Variants in CCSER1 observed in about 807,000 individuals in gnomAD.
CCSER1 encodes the protein coiled-coil serine rich protein 1.
In CCSER1, 41 loss-of-function variants were observed where a neutral mutation model predicts 82.0. The observed-to-expected ratio is 0.50, with a 90% confidence interval of 0.39 to 0.65. CCSER1 has a LOEUF of 0.65. Ranked by LOEUF, CCSER1 falls within the 30% of genes least tolerant of loss-of-function variation. The pLI, the probability that CCSER1 is intolerant of heterozygous loss-of-function variation, is 0.00. For missense variants in CCSER1, 1,119 were observed against 1,064.2 expected (o/e 1.05, Z -0.72); for synonymous variants, 414 against 383.9 (o/e 1.08, Z -0.92).
chr4:90,239,092 C>A (rs1373503298), intron 1 of CCSER1, among the ~76,000 whole-genome samples: 2 of 152,180 alleles, frequency 1.3e-5, no homozygotes, highest in African/African-American at 4.8e-5. Context: ...CGCAGGTGAT[C>A]CGCCTGCCTG....
At chr4:91,401,092 A>G (rs572699498) in intron 10 of CCSER1, among the ~76,000 whole-genome samples, 2 of 152,034 alleles carry the variant, frequency 1.3e-5, no homozygotes, top group South Asian at 4.1e-4. Flanking sequence ...CTTAGTGATT[A>G]CTATGATCCA....
At chr4:90,163,889 C>A (rs1242543725) in intron 1 of CCSER1, among the ~76,000 whole-genome samples, 1 of 152,126 alleles carries the variant, frequency 6.6e-6, no homozygotes, top group Non-Finnish European at 1.5e-5. Flanking sequence ...AAAATACCTT[C>A]TTTGTTGGCT....
chr4:91,565,154 A>G (rs574762951), intron 10 of CCSER1, among the ~76,000 whole-genome samples: 360 of 151,482 alleles, frequency 2.4e-3, no homozygotes, highest in Non-Finnish European at 3.5e-3. Flanking sequence ...TATTGAATAG[A>G]GAGTCTTTTC....
chr4:90,662,054 A>G lies in CCSER1; in HGVS notation c.1932+33822A>G, dbSNP rs1430725272. The stretch of plus-strand genomic sequence containing the variant: ...CACTCTTTCACCCAGGCTGGAGTGC[A>G]GCAGCACAGTCTTGGCTCATTGCAA... On this transcript the variant is annotated intron_variant, in intron 6 of 10. Transcript: ENST00000509176. Among the ~76,000 whole-genome samples, 5 of 147,446 alleles carry G rather than the reference A, an allele frequency of 3.4e-5. No homozygotes were observed. In the South Asian group the frequency reaches 1.1e-3, roughly 31 times the overall value.
chr4:91,155,197 A>T (rs1037390756), intron 10 of CCSER1, among the ~76,000 whole-genome samples: 1 of 151,836 alleles, frequency 6.6e-6, no homozygotes, highest in Non-Finnish European at 1.5e-5. Context: ...AATAATCCCC[A>T]CGTTTCATGG....
intron 10 of CCSER1, among the ~76,000 whole-genome samples, chr4:91,310,325 T>C (rs1435849565): frequency 2.0e-5 from 3 of 151,522 alleles, no homozygotes; most frequent in Non-Finnish European, 4.4e-5. Flanking sequence ...CTGGGCCAGA[T>C]TGGAAGAAGA....
chr4:90,815,516 G>C (rs879661021), intron 7 of CCSER1, among the ~76,000 whole-genome samples: 6 of 133,660 alleles, frequency 4.5e-5, no homozygotes, highest in Non-Finnish European at 9.8e-5. Flanking sequence ...AAAAACATAT[G>C]TGTGTGTGGA....
At chr4:91,186,318 T>A (rs1734530738) in intron 10 of CCSER1, among the ~76,000 whole-genome samples, 1 of 152,162 alleles carries the variant, frequency 6.6e-6, no homozygotes. Context: ...CTCATCAGTG[T>A]GAAAAAGTTC....
At chr4:91,424,287 G>A (rs1284131463) in intron 10 of CCSER1, among the ~76,000 whole-genome samples, 1 of 151,874 alleles carries the variant, frequency 6.6e-6, no homozygotes, top group East Asian at 1.9e-4. Flanking sequence ...AAAGTGCTGG[G>A]ATTACAGGCG....
At chr4:90,611,029 C>G (rs1225556490) in intron 5 of CCSER1, among the ~76,000 whole-genome samples, 2 of 149,218 alleles carry the variant, frequency 1.3e-5, no homozygotes, top group Non-Finnish European at 2.9e-5. Context: ...AGGCGCCCGC[C>G]ACCATGCCTG....
intron 1 of CCSER1, among the ~76,000 whole-genome samples, chr4:90,153,428 A>G (rs961017956): frequency 7.2e-5 from 11 of 152,028 alleles, no homozygotes; most frequent in African/African-American, 2.7e-4. Flanking sequence ...GTCAAATGGT[A>G]TTTCTAGTTC....
intron 9 of CCSER1, among the ~76,000 whole-genome samples, chr4:90,946,508 C>G (rs190182667): frequency 5.4e-4 from 82 of 151,602 alleles, no homozygotes; most frequent in African/African-American, 1.9e-3. Flanking sequence ...CCAGGCGCCT[C>G]TAATCCCAAC....
chr4:90,427,082 A>G (rs1275403581), intron 4 of CCSER1, among the ~76,000 whole-genome samples: 2 of 152,066 alleles, frequency 1.3e-5, no homozygotes, highest in African/African-American at 4.8e-5. Context: ...ATAGTAGCCA[A>G]TTTATAAACG....
chr4:91,145,388 T>C (rs183792777), intron 10 of CCSER1, among the ~76,000 whole-genome samples: 46 of 152,270 alleles, frequency 3.0e-4, no homozygotes, highest in African/African-American at 1.1e-3. Flanking sequence ...AGAAAAAGGT[T>C]AGGTCTTGTT....
chr4:90,651,129 C>T (rs1164193222), intron 6 of CCSER1, among the ~76,000 whole-genome samples: 2 of 152,180 alleles, frequency 1.3e-5, no homozygotes, highest in African/African-American at 4.8e-5. Context: ...CATTAATCCA[C>T]TCATATCTAT....
intron 10 of CCSER1, among the ~76,000 whole-genome samples, chr4:91,535,105 G>A (rs1761232254): frequency 6.6e-6 from 1 of 151,606 alleles, no homozygotes; most frequent in South Asian, 2.1e-4. Flanking sequence ...ATAAACTAGA[G>A]GATTTTAGCA....
chr4:91,390,207 T>G (rs1328856882), intron 10 of CCSER1, among the ~76,000 whole-genome samples: 1 of 152,032 alleles, frequency 6.6e-6, no homozygotes, highest in East Asian at 1.9e-4. Flanking sequence ...GTTTTCCTAT[T>G]GCTTTTTTGA....
chr4:91,095,856 A>G (rs1014036558), intron 10 of CCSER1, among the ~76,000 whole-genome samples: 1 of 151,974 alleles, frequency 6.6e-6, no homozygotes, highest in African/African-American at 2.4e-5. Flanking sequence ...TCCTGGCAGA[A>G]CAATTCTTAT....
At chr4:91,550,148 G>A (rs578085118) in intron 10 of CCSER1, among the ~76,000 whole-genome samples, 1 of 152,272 alleles carries the variant, frequency 6.6e-6, no homozygotes, top group South Asian at 2.1e-4. Context: ...TTCTCCCAAG[G>A]GAAGGACTTG....
Sources: gnomAD v4.1 joint callset for allele counts (sites outside exome capture counted in the v4.1 genomes callset) on GRCh38, gnomAD v4.1.1 for gene constraint, MANE v1.5 for transcripts, NCBI Gene and HGNC (gene_info 2026-07-23, HGNC 2026-07-21) for gene names.